The following EYA4 variants were observed in gnomAD, a reference collection of about 807,000 sequenced individuals.
EYA4 encodes protein phosphatase EYA4.
Under a neutral mutation model 87.9 loss-of-function variants are expected in EYA4, and 31 were observed. The ratio of observed to expected loss-of-function variants is 0.35; its 90% CI spans 0.27 to 0.48. The LOEUF (loss-of-function observed/expected upper bound fraction) is 0.48, where lower values mean the gene tolerates loss of function less well. Ranked by LOEUF, EYA4 falls within the 20% of genes least tolerant of loss-of-function variation. The probability of loss-of-function intolerance (pLI) is 0.99; values close to 1 mark genes in which losing one functional copy is unlikely to be tolerated. For synonymous variants in EYA4, 263 were observed against 270.6 expected, an observed-to-expected ratio of 0.97 and a Z score of 0.28; for missense variants, 678 against 761.4, an observed-to-expected ratio of 0.89 and a Z score of 1.29.
chr6:133,510,128 T>G (rs950126794), intron 14 of EYA4, among the ~76,000 whole-genome samples: 3 of 152,230 alleles, frequency 2.0e-5, no homozygotes, highest in Non-Finnish European at 4.4e-5. Context: ...GATAAGTTTT[T>G]GGGCAACCTA....
At chr6:133,273,465 A>C (rs1776907073) in intron 1 of EYA4, among the ~76,000 whole-genome samples, 1 of 152,154 alleles carries the variant, frequency 6.6e-6, no homozygotes, top group African/African-American at 2.4e-5. Context: ...TGTATCCTTC[A>C]ATCCAATCAA....
chr6:133,507,236 A>G (rs1282298203), intron 14 of EYA4: 1 of 152,218 alleles, frequency 6.6e-6, no homozygotes, highest in East Asian at 1.9e-4. Context: ...AATCACATCT[A>G]AAGTTACCTG....
intron 3 of EYA4, among the ~76,000 whole-genome samples, chr6:133,438,253 C>T (rs535615847): frequency 2.0e-5 from 3 of 151,938 alleles, no homozygotes; most frequent in South Asian, 4.2e-4. Flanking sequence ...AATTGCATTT[C>T]GGTTTCCTGT....
At chr6:133,243,727 G>C (rs1307658297) in intron 1 of EYA4, among the ~76,000 whole-genome samples, 2 of 151,320 alleles carry the variant, frequency 1.3e-5, no homozygotes, top group Non-Finnish European at 2.9e-5. Context: ...TAGAGGGGGT[G>C]GGGAGAGAAT....
intron 3 of EYA4, among the ~76,000 whole-genome samples, chr6:133,426,495 C>T (rs1790686314): frequency 6.6e-6 from 1 of 152,222 alleles, no homozygotes; most frequent in African/African-American, 2.4e-5. Flanking sequence ...AATCAGCTTG[C>T]TAACCTATGT....
chr6:133,318,072 A>G (rs1198344993), intron 2 of EYA4, among the ~76,000 whole-genome samples: 1 of 152,228 alleles, frequency 6.6e-6, no homozygotes, highest in Non-Finnish European at 1.5e-5. Context: ...TATTTGTAGA[A>G]GTCACCTGTA....
intron 3 of EYA4, among the ~76,000 whole-genome samples, chr6:133,415,498 G>T (rs146428473): frequency 6.6e-6 from 1 of 152,068 alleles, no homozygotes; most frequent in African/African-American, 2.4e-5. Context: ...CAGCCTTTAC[G>T]CAGGCTGTTC....
chr6:133,301,091 T>C (rs1320605005), intron 2 of EYA4, among the ~76,000 whole-genome samples: 2 of 152,212 alleles, frequency 1.3e-5, no homozygotes, highest in African/African-American at 2.4e-5. Flanking sequence ...GGCATATCCA[T>C]GTGAGTCACG....
rs1232057215 is a variant in EYA4, at chr6:133,274,703, CT to C, written c.-65-11del. 5.0e-6 allele frequency: 6 copies of C among 1,211,530 alleles called. No individual in the cohort carries two copies. Among genetic ancestry groups the C allele is most frequent in the Non-Finnish European group, 7.4e-6 (6 of 814,776 alleles). 75.0% of individuals were successfully genotyped at this position (1,211,530 alleles called of 1,614,324 possible). ...TAACATTTTTCCCCTTTGTTTCCAT[CT>C]TCTTGTTTTAGATAGTCATTTTTAC... On this transcript the variant is annotated splice_polypyrimidine_tract_variant and intron_variant, in intron 1 of 19. Transcript: ENST00000355286.
Position 133,529,893 on chromosome 6 carries a change from C to T in EYA4, c.*1088C>T, listed in dbSNP as rs546476839. On this transcript the variant is annotated 3_prime_UTR_variant, in exon 20 of 20. Transcript: ENST00000355286. ...TGAGACTTTTGATATGTGTAAGTTG[C>T]ATAGAGGAGGATATTATCATGCAAA... 207 of 985,228 alleles carry T rather than the reference C, an allele frequency of 2.1e-4. No individual in the cohort carries two copies. In the African/African-American group the frequency reaches 3.1e-3, roughly 15 times the overall value. The allele number at this position is 985,228 out of a possible 1,614,324, so 61.0% of individuals were successfully genotyped here. A position where few individuals can be genotyped will look rare whatever the true frequency, so the allele number is the denominator to read the frequency against.
chr6:133,530,470 T>C lies in EYA4; in HGVS notation c.*1665T>C, dbSNP rs1247196193. ...ATTTTTATGGTGTCTGCACCTGCAG[T>C]TCTGTGTTTAAAATGTCATAATGTG... On this transcript the variant is annotated 3_prime_UTR_variant, in exon 20 of 20. Coordinates refer to ENST00000355286, the MANE Select transcript of EYA4 (RefSeq NM_004100.5). 1 of 985,808 alleles carries C rather than the reference T, an allele frequency of 1.0e-6. No homozygotes were observed. Among genetic ancestry groups the C allele is most frequent in the Non-Finnish European group, 1.2e-6 (1 of 829,930 alleles). The allele number at this position is 985,808 out of a possible 1,614,324, so 61.1% of individuals were successfully genotyped here.
intron 2 of EYA4, among the ~76,000 whole-genome samples, chr6:133,336,467 G>A (rs749899615): frequency 1.7e-4 from 26 of 152,144 alleles, no homozygotes; most frequent in South Asian, 2.1e-4. Context: ...AGAACTCTGC[G>A]TCTGTAGAGA....
In EYA4 at chr6:133,433,865, G is replaced by C. The variant is rs1181152894; in HGVS notation, c.84-12765G>C. 2.0e-5 allele frequency among the ~76,000 whole-genome samples: 3 copies of C among 152,208 alleles called. No individual in the cohort carries two copies. The East Asian group carries it at 5.8e-4, about 29-fold the overall frequency. ...AATGCCAACTGCATGTGTAGTGAGC[G>C]ACTGGGAGGACACAGGGCTCTCAAG... On this transcript the variant is annotated intron_variant, in intron 3 of 19. Transcript: ENST00000355286.
At position 133,387,535 on chromosome 6, in the gene EYA4, G is replaced by T. The variant is rs565635736; in HGVS notation, c.83+5094G>T. Among the ~76,000 whole-genome samples, 20 of 152,194 alleles carry T rather than the reference G, an allele frequency of 1.3e-4. No homozygotes were observed. In the South Asian group the frequency reaches 2.5e-3, roughly 19 times the overall value. On this transcript the variant is annotated intron_variant, in intron 3 of 19. Coordinates refer to ENST00000355286, the MANE Select transcript of EYA4 (RefSeq NM_004100.5). Reference sequence around the variant, plus strand: ...ATCTGGTTGTACAGACCACAGAATTGGGTAACCATTTCTTGGACTTAATTA... The same window carrying T: ...ATCTGGTTGTACAGACCACAGAATTTGGTAACCATTTCTTGGACTTAATTA...
intron 2 of EYA4, among the ~76,000 whole-genome samples, chr6:133,368,243 T>C (rs1481075318): frequency 1.3e-5 from 2 of 152,218 alleles, no homozygotes; most frequent in African/African-American, 4.8e-5. Flanking sequence ...TTCACGTTTA[T>C]ATTTATAAAG....
chr6:133,270,493 A>G (rs972381965), intron 1 of EYA4, among the ~76,000 whole-genome samples: 5 of 152,248 alleles, frequency 3.3e-5, no homozygotes, highest in Non-Finnish European at 5.9e-5. Flanking sequence ...TGTTTTTAAC[A>G]AAAGAAGGAG....
In EYA4 at chr6:133,506,214, A is replaced by G; in HGVS notation, c.1281+19A>G. 2 of 1,399,890 alleles carry G rather than the reference A, an allele frequency of 1.4e-6. No homozygotes were observed. The highest frequency in any genetic ancestry group is 2.3e-5 in the East Asian group (1 of 43,784). 86.7% of individuals were successfully genotyped at this position (1,399,890 alleles called of 1,614,324 possible). ...TTTAGAGGTAAGAATTTTACAAGGT[A>G]CAAATAGTTGTATCCAACACCAGAC... On this transcript the variant is annotated intron_variant, in intron 14 of 19. Transcript: ENST00000355286.
chr6:133,390,203 C>T (rs755417673), intron 3 of EYA4, among the ~76,000 whole-genome samples: 1 of 151,894 alleles, frequency 6.6e-6, no homozygotes, highest in Non-Finnish European at 1.5e-5. Flanking sequence ...CTGTTGTCCA[C>T]TCTCCTAGTT....
intron 2 of EYA4, among the ~76,000 whole-genome samples, chr6:133,291,710 C>T (rs1778502709): frequency 6.6e-6 from 1 of 152,170 alleles, no homozygotes; most frequent in Non-Finnish European, 1.5e-5. Flanking sequence ...CCAACTCCAG[C>T]TTCCTAGCAA....
Sources: allele counts gnomAD v4.1 joint callset (sites outside exome capture counted in the v4.1 genomes callset), GRCh38; gene constraint gnomAD v4.1.1; transcripts MANE v1.5; gene names NCBI Gene and HGNC (gene_info 2026-07-23, HGNC 2026-07-21).